Variants in CUL3 observed in about 807,000 individuals in gnomAD.
The protein encoded by CUL3 is cullin 3.
A neutral mutation model predicts 89.1 loss-of-function variants in CUL3; 19 were observed. The observed-to-expected ratio is 0.21, with a 90% CI of 0.15 to 0.31. The LOEUF (loss-of-function observed/expected upper bound fraction) is 0.31. Among genes scored for constraint, CUL3 ranks in the 10% least tolerant of loss-of-function variants. The probability of loss-of-function intolerance (pLI) is 1.00; values close to 1 mark genes in which losing one functional copy is unlikely to be tolerated. For synonymous variants in CUL3, 351 were observed against 308.4 expected, an observed-to-expected ratio of 1.14 and a Z score of -1.45; for missense variants, 469 against 942.3, an observed-to-expected ratio of 0.50 and a Z score of 6.58.
chr2:224,522,827 C>CAAAAAAA (rs777324032), intron 3 of CUL3, among the ~76,000 whole-genome samples: 3 of 147,510 alleles, frequency 2.0e-5, no homozygotes, highest in Non-Finnish European at 4.5e-5. Context: ...GACACCGTCT[C>CAAAAAAA]AAAAAAACAA....
At chr2:224,573,108 A>G (rs897288459) in intron 1 of CUL3, among the ~76,000 whole-genome samples, 4 of 152,248 alleles carry the variant, frequency 2.6e-5, no homozygotes, top group African/African-American at 9.6e-5. Context: ...TGCGTACACC[A>G]AAAGTAGTAA....
At chr2:224,530,418 T>G (rs1399996203) in intron 3 of CUL3, among the ~76,000 whole-genome samples, 6 of 151,446 alleles carry the variant, frequency 4.0e-5, no homozygotes, top group Non-Finnish European at 8.8e-5. Context: ...AACCTAAGAG[T>G]CTAGGTTGAG....
In CUL3 at chr2:224,526,796, G is replaced by A. The variant is rs1456550821; in HGVS notation, c.378+8732C>T. 6.9e-5 allele frequency among the ~76,000 whole-genome samples: 10 copies of A among 144,488 alleles called. No individual in the cohort carries two copies. In the East Asian group the frequency reaches 8.0e-4, roughly 12 times the overall value. The allele number at this position is 144,488 out of a possible 152,430, so 94.8% of individuals were successfully genotyped here. On this transcript the variant is annotated intron_variant, in intron 3 of 15. Coordinates refer to ENST00000264414, the MANE Select transcript of CUL3 (RefSeq NM_003590.5). ...AAGTTTATCATTCTCCAACCTGGGC[G>A]ACAGAGCAAGACTAAGTCTCCAAAA...
At chr2:224,562,894 T>C (rs1226959347) in intron 1 of CUL3, 1 of 174,850 alleles carries the variant, frequency 5.7e-6, no homozygotes, top group Non-Finnish European at 1.2e-5. Flanking sequence ...TGCCACAGCT[T>C]TGTTACTCAC....
At chr2:224,548,185 A>G (rs1694374840) in intron 2 of CUL3, among the ~76,000 whole-genome samples, 1 of 152,256 alleles carries the variant, frequency 6.6e-6, no homozygotes, top group South Asian at 2.1e-4. Flanking sequence ...TGCTTAGAAC[A>G]GATTATGACT....
chr2:224,495,333 G>C (rs945130425), intron 13 of CUL3: 1 of 152,220 alleles, frequency 6.6e-6, no homozygotes, highest in Admixed American at 6.5e-5. Flanking sequence ...GCCTAAATCC[G>C]GTATCAACCC....
chr2:224,544,210 G>A lies in CUL3; in HGVS notation c.265-8569C>T, dbSNP rs1273710621. On this transcript the variant is annotated intron_variant, in intron 2 of 15. Transcript: ENST00000264414. ...CCTTACTTAGCACCACTGCAGAAAA[G>A]ACTTCATTTCCCCTTATTAAATATG... Among the ~76,000 whole-genome samples, 3 of 152,058 alleles carry A rather than the reference G, an allele frequency of 2.0e-5. No homozygotes were observed. The South Asian group carries it at 6.2e-4, about 32-fold the overall frequency.
intron 3 of CUL3, among the ~76,000 whole-genome samples, chr2:224,528,295 G>T (rs11688416): frequency 0.69 from 104,494 of 151,938 alleles, 35,952 homozygotes; most frequent in South Asian, 0.73. Flanking sequence ...TAGTGCCCCC[G>T]CCTCCATTTT....
intron 10 of CUL3, among the ~76,000 whole-genome samples, chr2:224,502,542 G>A (rs773729900): frequency 1.3e-5 from 2 of 152,144 alleles, no homozygotes; most frequent in Non-Finnish European, 2.9e-5. Flanking sequence ...TAAACTTACA[G>A]AGGAGAATAA....
intron 3 of CUL3, among the ~76,000 whole-genome samples, chr2:224,519,089 A>G (rs952263601): frequency 6.6e-6 from 1 of 152,210 alleles, no homozygotes; most frequent in Admixed American, 6.5e-5. Flanking sequence ...GACATCTAAA[A>G]TTCTCCAAAC....
At chr2:224,474,460 T>C in intron 15 of CUL3, 84 bp from the exon 16 acceptor site, 1 of 1,150,716 alleles carries the variant, frequency 8.7e-7, no homozygotes, top group Non-Finnish European at 1.2e-6. Flanking sequence ...ATTTTAACAC[T>C]CAGAGACTGA....
At chr2:224,516,284 T>C (rs962970807) in intron 3 of CUL3, among the ~76,000 whole-genome samples, 1 of 151,804 alleles carries the variant, frequency 6.6e-6, no homozygotes. Flanking sequence ...AAATTCCAAG[T>C]TTCCCTCTGA....
In CUL3 at chr2:224,577,194, A is replaced by C. The variant is rs534313359; in HGVS notation, c.66+7750T>G. ...AGCTTTATTTTATTTATCACACAACAAACCTGTAAGGTGGGTCTCATTAGC... is the reference window on the plus strand; with the variant it reads ...AGCTTTATTTTATTTATCACACAACCAACCTGTAAGGTGGGTCTCATTAGC... On this transcript the variant is annotated intron_variant, in intron 1 of 15. Coordinates refer to ENST00000264414, the MANE Select transcript of CUL3 (RefSeq NM_003590.5). Among the ~76,000 whole-genome samples, 44 of 152,386 alleles carry C rather than the reference A, an allele frequency of 2.9e-4. 1 individual carries two copies. Among genetic ancestry groups the C allele is most frequent in the Admixed American group, 3.9e-4 (6 of 15,300 alleles).
Position 224,489,781 on chromosome 2 carries a change from G to C in CUL3, c.1842+6051C>G, listed in dbSNP as rs148761108. On this transcript the variant is annotated intron_variant, in intron 13 of 15. Coordinates refer to ENST00000264414, the MANE Select transcript of CUL3 (RefSeq NM_003590.5). ...AAGAAAACGTAGGCAATACCATTCA[G>C]GACATAGGCATGGGCAAAGACTTCA... Among the ~76,000 whole-genome samples, 1,258 of 152,250 alleles carry C rather than the reference G, an allele frequency of 8.3e-3. 10 individuals are homozygous for C. The highest frequency in any genetic ancestry group is 0.029 in the African/African-American group (1,200 of 41,548).
chr2:224,562,241 T>C (rs1029608119), intron 1 of CUL3, among the ~76,000 whole-genome samples: 5 of 152,164 alleles, frequency 3.3e-5, no homozygotes, highest in African/African-American at 1.2e-4. Context: ...GTAGTGCGTT[T>C]TTTTTTTCTT....
chr2:224,492,061 T>C (rs919334240), intron 13 of CUL3, among the ~76,000 whole-genome samples: 1 of 152,210 alleles, frequency 6.6e-6, no homozygotes, highest in African/African-American at 2.4e-5. Context: ...GGCAGAATGA[T>C]GAATAACCTT....
chr2:224,557,586 C>T (rs1694753696), intron 2 of CUL3, 73 bp downstream of exon 2: 1 of 1,042,178 alleles, frequency 9.6e-7, no homozygotes, highest in Non-Finnish European at 1.4e-6. Context: ...CACTTCCGGT[C>T]AAAGTGCAAT....
intron 6 of CUL3, among the ~76,000 whole-genome samples, chr2:224,510,764 A>G (rs1692793011): frequency 6.6e-6 from 1 of 152,232 alleles, no homozygotes; most frequent in African/African-American, 2.4e-5. Context: ...AATAGCTATA[A>G]AAAACAAATG....
chr2:224,571,585 A>G (rs183222490), intron 1 of CUL3, among the ~76,000 whole-genome samples: 58 of 150,916 alleles, frequency 3.8e-4, no homozygotes, highest in Non-Finnish European at 5.6e-4. Flanking sequence ...CAAAAGGTCT[A>G]TGACACAAAA....
Sources: gnomAD v4.1 joint callset for allele counts (sites outside exome capture counted in the v4.1 genomes callset) on GRCh38, gnomAD v4.1.1 for gene constraint, MANE v1.5 for transcripts, NCBI Gene and HGNC (gene_info 2026-07-23, HGNC 2026-07-21) for gene names.